Variants in CROT observed in about 807,000 individuals in gnomAD.
CROT encodes carnitine O-octanoyltransferase.
CROT carries 84 observed loss-of-function variants against 89.2 expected under a neutral mutation model. The ratio of observed to expected loss-of-function variants is 0.94; its 90% CI spans 0.79 to 1.13. The LOEUF is 1.13. Ranked by LOEUF, CROT falls within the 50% of genes most tolerant of loss-of-function variation. CROT has a pLI of 0.00. For synonymous variants in CROT, 212 were observed against 239.5 expected (o/e 0.89, Z 1.06); for missense variants, 711 against 727.8 (o/e 0.98, Z 0.27).
intron 7 of CROT, among the ~76,000 whole-genome samples, chr7:87,370,669 C>A (rs912794536): frequency 2.0e-4 from 31 of 152,268 alleles, no homozygotes; most frequent in Non-Finnish European, 3.8e-4. Flanking sequence ...AAAATTAGAA[C>A]ATTTCTAATA....
At chr7:87,386,803 T>A (rs1312287395) in intron 13 of CROT, among the ~76,000 whole-genome samples, 1 of 152,166 alleles carries the variant, frequency 6.6e-6, no homozygotes, top group African/African-American at 2.4e-5. Flanking sequence ...TGAAGAGTGA[T>A]CACTGAGTTT....
chr7:87,347,703 T>G (rs1805730655), intron 2 of CROT, among the ~76,000 whole-genome samples: 1 of 152,176 alleles, frequency 6.6e-6, no homozygotes, highest in Admixed American at 6.6e-5. Context: ...AGAAGTTTTT[T>G]TTTTTCCATA....
At chr7:87,389,981 G>A (rs927608150) in intron 13 of CROT, among the ~76,000 whole-genome samples, 1 of 152,006 alleles carries the variant, frequency 6.6e-6, no homozygotes, top group African/African-American at 2.4e-5. Context: ...TACCTTATAA[G>A]TCTTTTTTAA....
chr7:87,366,700 T>C (rs1806460075), intron 6 of CROT, among the ~76,000 whole-genome samples: 1 of 152,188 alleles, frequency 6.6e-6, no homozygotes, highest in African/African-American at 2.4e-5. Flanking sequence ...CCATCATTAC[T>C]CCCAGGCATA....
chr7:87,350,616 A>T (rs1427717091), intron 3 of CROT, among the ~76,000 whole-genome samples: 1 of 152,206 alleles, frequency 6.6e-6, no homozygotes, highest in Non-Finnish European at 1.5e-5. Context: ...TACATTGTCC[A>T]GTCCAGTTGT....
intron 3 of CROT, among the ~76,000 whole-genome samples, chr7:87,358,414 G>A (rs1382062088): frequency 3.4e-5 from 5 of 148,704 alleles, no homozygotes; most frequent in Non-Finnish European, 4.5e-5. Flanking sequence ...CCCAGGAGGC[G>A]GAGCTTGCAG....
At chr7:87,361,285 G>T in intron 4 of CROT, 105 bp from the exon 5 acceptor site, 1 of 1,165,826 alleles carries the variant, frequency 8.6e-7, no homozygotes, top group South Asian at 1.4e-5. Flanking sequence ...TTTAAATGTT[G>T]AAGAATAATT....
At chr7:87,365,853 G>A (rs1275172088) in intron 6 of CROT, among the ~76,000 whole-genome samples, 2 of 151,944 alleles carry the variant, frequency 1.3e-5, no homozygotes, top group African/African-American at 2.4e-5. Context: ...CAATCTGCCC[G>A]CCTCAGCCCC....
chr7:87,348,848 T>G (rs1805780404), intron 2 of CROT, among the ~76,000 whole-genome samples, 200 bp from the exon 3 acceptor site: 1 of 152,240 alleles, frequency 6.6e-6, no homozygotes, highest in African/African-American at 2.4e-5. Context: ...CACTCTTTAC[T>G]TCTAGCACTT....
At chr7:87,384,859 G>A (rs1807139478) in intron 13 of CROT, among the ~76,000 whole-genome samples, 1 of 152,150 alleles carries the variant, frequency 6.6e-6, no homozygotes, top group Admixed American at 6.5e-5. Context: ...TTATATTTAA[G>A]CCTTTAATCC....
chr7:87,355,231 C>T (rs1287437969), intron 3 of CROT, among the ~76,000 whole-genome samples: 7 of 151,950 alleles, frequency 4.6e-5, no homozygotes, highest in Non-Finnish European at 7.4e-5. Context: ...TCCCAAGTAG[C>T]TGGGATTATA....
intron 16 of CROT, 45 bp from the exon 17 acceptor site, chr7:87,392,903 A>G: frequency 1.2e-6 from 2 of 1,612,024 alleles, no homozygotes; most frequent in Non-Finnish European, 1.7e-6. Context: ...AAACAATATA[A>G]GCATCTGTAG....
Position 87,365,618 on chromosome 7 carries a change from T to C in CROT, c.548-3758T>C, listed in dbSNP as rs868572775. Among the ~76,000 whole-genome samples, 33 of 143,976 alleles carry C rather than the reference T, an allele frequency of 2.3e-4. 1 individual carries two copies. Among genetic ancestry groups the C allele is most frequent in the African/African-American group, 7.6e-4 (27 of 35,656 alleles). 94.5% of individuals were successfully genotyped at this position (143,976 alleles called of 152,430 possible). On this transcript the variant is annotated intron_variant, in intron 6 of 17. Coordinates refer to ENST00000331536, the MANE Select transcript of CROT (RefSeq NM_021151.4). ...TTAAAACTAGTTTTTTGTTTTTTGT[T>C]TGTCTTTTTTTTTTTTTTTTGGTCT... is the stretch of plus-strand genomic sequence containing the variant.
intron 13 of CROT, among the ~76,000 whole-genome samples, chr7:87,390,532 G>A (rs2116155893): frequency 6.6e-6 from 1 of 152,250 alleles, no homozygotes; most frequent in Non-Finnish European, 1.5e-5. Context: ...CAGAAACACT[G>A]AACAGAAGAG....
At chr7:87,370,246 A>C (rs1299733714) in intron 7 of CROT, among the ~76,000 whole-genome samples, 2 of 152,102 alleles carry the variant, frequency 1.3e-5, no homozygotes, top group African/African-American at 4.8e-5. Context: ...GCAGAGGCAC[A>C]ATCTCGGCTC....
intron 6 of CROT, among the ~76,000 whole-genome samples, chr7:87,366,709 T>C (rs1195079245): frequency 2.0e-5 from 3 of 152,228 alleles, no homozygotes; most frequent in African/African-American, 7.2e-5. Context: ...CTCCCAGGCA[T>C]ACACATTCAA....
Position 87,375,629 on chromosome 7 carries a change from A to T in CROT, c.657-3A>T. 6.2e-7 allele frequency: 1 copy of T among 1,608,278 alleles called. No individual in the cohort carries two copies. The highest frequency in any genetic ancestry group is 1.1e-5 in the South Asian group (1 of 90,712). ...TTTTAATCTTCTTTTCATCTTCCAT[A>T]AGACAACTGACATATATCCACAAGA... On this transcript the variant is annotated splice_region_variant and splice_polypyrimidine_tract_variant and intron_variant, in intron 7 of 17. Coordinates refer to ENST00000331536, the MANE Select transcript of CROT (RefSeq NM_021151.4).
intron 17 of CROT, among the ~76,000 whole-genome samples, chr7:87,396,317 C>T (rs1807522640): frequency 6.6e-6 from 1 of 152,160 alleles, no homozygotes; most frequent in South Asian, 2.1e-4. Flanking sequence ...GAGGAATTAA[C>T]AGAAGGTGAC....
chr7:87,377,155 A>G (rs1322690580), intron 9 of CROT, among the ~76,000 whole-genome samples, 194 bp from the exon 10 acceptor site: 1 of 152,090 alleles, frequency 6.6e-6, no homozygotes, highest in East Asian at 1.9e-4. Flanking sequence ...AGAAGCCCCT[A>G]AAGTCAGGGC....
Sources: allele counts gnomAD v4.1 joint callset (sites outside exome capture counted in the v4.1 genomes callset), GRCh38; gene constraint gnomAD v4.1.1; transcripts MANE v1.5; gene names NCBI Gene and HGNC (gene_info 2026-07-23, HGNC 2026-07-21).